The following KIF15 variants were observed in gnomAD, a reference collection of about 807,000 sequenced individuals.
KIF15 encodes kinesin-like protein KIF15.
In KIF15, 140 loss-of-function variants were observed where a neutral mutation model predicts 190.6. That is an observed-to-expected ratio of 0.73 (90% CI 0.64 to 0.84). The LOEUF is 0.84. Ranked by LOEUF, KIF15 falls within the 40% of genes least tolerant of loss-of-function variation. The pLI is 0.00. For missense variants in KIF15, 1,372 were observed against 1,584.4 expected, an observed-to-expected ratio of 0.87 and a Z score of 2.28; for synonymous variants, 528 against 551.3, an observed-to-expected ratio of 0.96 and a Z score of 0.59.
At chr3:44,783,247 C>T (rs1706250430) in intron 5 of KIF15, among the ~76,000 whole-genome samples, 1 of 152,126 alleles carries the variant, frequency 6.6e-6, no homozygotes. Flanking sequence ...ATAGAGGAAG[C>T]ATGGCACCAG....
chr3:44,796,291 C>T (rs866761576), intron 8 of KIF15, among the ~76,000 whole-genome samples: 1 of 152,074 alleles, frequency 6.6e-6, no homozygotes, highest in Admixed American at 6.6e-5. Flanking sequence ...CCCAGGAGGT[C>T]GAGATTGCAG....
chr3:44,827,623 T>A (rs760811434), intron 23 of KIF15, 95 bp downstream of exon 23: 198 of 646,354 alleles, frequency 3.1e-4, no homozygotes, highest in Non-Finnish European at 1.4e-4. Flanking sequence ...AGCTTGCAGA[T>A]GTTGGAAATT....
Position 44,810,993 on chromosome 3 carries a change from A to G in KIF15, c.2119A>G (p.Met707Val), listed in dbSNP as rs752113952. The change falls in exon 17 of 35, where the codon ATG (methionine) becomes GTG (valine). Residue 707 changes from methionine to valine, a missense_variant. By Grantham distance (21) the Met-to-Val change is conservative (BLOSUM62 1). Transcript: ENST00000326047. Reference sequence around the variant, plus strand: ...ATTAAATGAGCCAGTTCCTCCTGAGATGAATGAACAAGCTTTTGAGGCCAT... The same window carrying G: ...ATTAAATGAGCCAGTTCCTCCTGAGGTGAATGAACAAGCTTTTGAGGCCAT... The part of the protein sequence containing the change: ...DILNEPVPPE[M>V]NEQAFEAISE... 1.2e-6 allele frequency: 2 copies of G among 1,613,908 alleles called. No homozygotes were observed. The highest frequency in any genetic ancestry group is 1.3e-5 in the African/African-American group (1 of 75,046).
chr3:44,868,326 T>C lies in KIF15; in HGVS notation c.*60-5003T>C, dbSNP rs564968178. On this transcript the variant is annotated intron_variant and NMD_transcript_variant, in intron 6 of 6. Transcript: ENST00000422209. ...TTTATGACTGAATAATACTCCATTG[T>C]GTGGATCTACCACATTATGTTTATA... Among the ~76,000 whole-genome samples, 494 of 152,366 alleles carry C rather than the reference T, an allele frequency of 3.2e-3. 7 individuals carry two copies. The highest frequency in any genetic ancestry group is 0.011 in the African/African-American group (473 of 41,582).
At position 44,814,963 on chromosome 3, in the gene KIF15, G is replaced by C; in HGVS notation, c.2436G>C (p.Lys812Asn). ...GAGTAGTCCTTCATTCTGCTGACAA[G>C]GAGCTTTCTTCAGTGAAATTGGAAT... ...DLRVVLHSAD[K>N]ELSSVKLEYS... Residue 812 changes from lysine (K) to asparagine (N), a missense_variant, in exon 20 of 35, where the codon AAG (lysine) becomes AAC (asparagine). Transcript: ENST00000326047. The C allele has an allele frequency of 6.2e-7, 1 of 1,612,650 alleles. No individual in the cohort carries two copies. Among genetic ancestry groups the C allele is most frequent in the Non-Finnish European group, 8.5e-7 (1 of 1,179,564 alleles).
At chr3:44,772,999 G>C (rs1436237310) in intron 1 of KIF15, among the ~76,000 whole-genome samples, 1 of 152,118 alleles carries the variant, frequency 6.6e-6, no homozygotes, top group Non-Finnish European at 1.5e-5. Context: ...CTTTCTGACA[G>C]AGCCATACAG....
rs1245053775 is a variant in KIF15 at position 44,779,633 on chromosome 3, G to C, written c.324-1252G>C. On this transcript the variant is annotated intron_variant, in intron 4 of 34. Transcript: ENST00000326047. ...GTGGATCACGAGGTCAGGAGTTCAAGACCAGCCTGGCCAAGATGGTGAAAC... is the reference window on the plus strand; with the variant it reads ...GTGGATCACGAGGTCAGGAGTTCAACACCAGCCTGGCCAAGATGGTGAAAC... Among the ~76,000 whole-genome samples the C allele has an allele frequency of 2.0e-5, 3 of 152,136 alleles. No individual in the cohort carries two copies. In the East Asian group the frequency reaches 5.8e-4, roughly 29 times the overall value.
intron 4 of KIF15, among the ~76,000 whole-genome samples, chr3:44,779,312 C>T (rs906552864): frequency 6.6e-6 from 1 of 152,158 alleles, no homozygotes; most frequent in African/African-American, 2.4e-5. Flanking sequence ...ACCCTAATTC[C>T]TTTTATTGGA....
intron 20 of KIF15, among the ~76,000 whole-genome samples, chr3:44,823,385 T>C (rs1697462086): frequency 6.6e-6 from 1 of 152,168 alleles, no homozygotes; most frequent in Non-Finnish European, 1.5e-5. Flanking sequence ...TCTGGAAGCT[T>C]CGTCCCAGAG....
chr3:44,861,269 G>A (rs572382038), intron 6 of KIF15, among the ~76,000 whole-genome samples: 2 of 152,364 alleles, frequency 1.3e-5, no homozygotes, highest in East Asian at 3.9e-4. Context: ...GGGATTACAG[G>A]CATGAGCCAC....
chr3:44,847,968 CCT>C lies in KIF15; in HGVS notation c.3696-16_3696-15del, dbSNP rs775356295. ...GTGTTTTCCTATGCCTCCTCCCACC[CCT>C]GTTAATCTATGCAGTGATCAGAATC... On this transcript the variant is annotated splice_polypyrimidine_tract_variant and intron_variant, in intron 30 of 34. Coordinates refer to ENST00000326047, the MANE Select transcript of KIF15 (RefSeq NM_020242.3). 6 of 1,574,668 alleles carry C rather than the reference CCT, an allele frequency of 3.8e-6. No homozygotes were observed. Among genetic ancestry groups the C allele is most frequent in the Non-Finnish European group, 4.3e-6 (5 of 1,157,788 alleles).
At chr3:44,787,050 A>G (rs1404183506) in intron 7 of KIF15, among the ~76,000 whole-genome samples, 1 of 152,202 alleles carries the variant, frequency 6.6e-6, no homozygotes. Context: ...ATGATTTGAA[A>G]GTTTTTTATT....
At chr3:44,866,598 G>A (rs1413382587) in intron 6 of KIF15, among the ~76,000 whole-genome samples, 1 of 152,170 alleles carries the variant, frequency 6.6e-6, no homozygotes, top group Non-Finnish European at 1.5e-5. Flanking sequence ...GTAGCCAGGA[G>A]GCTAGGAGAG....
rs1447473975 is a variant in KIF15, at chr3:44,829,767, TTATAG to T, written c.2944-203_2944-199del. On this transcript the variant is annotated intron_variant, in intron 24 of 34. Coordinates refer to ENST00000326047, the MANE Select transcript of KIF15 (RefSeq NM_020242.3). ...TGTATATATTATAGATGTATATATA[TTATAG>T]ATGTATATATATAATATATGCATAT... is the stretch of plus-strand genomic sequence containing the variant. Among the ~76,000 whole-genome samples, 141 of 140,978 alleles carry T rather than the reference TTATAG, an allele frequency of 1.0e-3. 1 individual carries two copies. The highest frequency in any genetic ancestry group is 2.4e-3 in the African/African-American group (92 of 37,946). The allele number at this position is 140,978 out of a possible 152,430, so 92.5% of individuals were successfully genotyped here.
chr3:44,847,305 G>A (rs1404857620), intron 30 of KIF15, among the ~76,000 whole-genome samples: 1 of 152,152 alleles, frequency 6.6e-6, no homozygotes, highest in East Asian at 1.9e-4. Flanking sequence ...GGGAGGGAGG[G>A]ATGTCTCTCT....
At chr3:44,800,461 A>G (rs1707213572) in intron 11 of KIF15, 24 bp downstream of exon 11, 1 of 1,609,240 alleles carries the variant, frequency 6.2e-7, no homozygotes, top group Non-Finnish European at 8.5e-7. Flanking sequence ...ACAGTCCTTT[A>G]TCTTGGGGAA....
chr3:44,809,246 A>G (rs1246023213), intron 16 of KIF15, among the ~76,000 whole-genome samples: 2 of 152,068 alleles, frequency 1.3e-5, no homozygotes, highest in East Asian at 1.9e-4. Context: ...GTTCATGTCC[A>G]TTTGTATATC....
intron 16 of KIF15, among the ~76,000 whole-genome samples, chr3:44,810,274 C>G (rs1257470828): frequency 6.6e-6 from 1 of 151,930 alleles, no homozygotes; most frequent in Non-Finnish European, 1.5e-5. Context: ...TTTTGAGAGA[C>G]AGGGTCTCAG....
intron 5 of KIF15, among the ~76,000 whole-genome samples, chr3:44,782,416 G>A (rs900682575): frequency 1.3e-5 from 2 of 152,040 alleles, no homozygotes; most frequent in African/African-American, 2.4e-5. Flanking sequence ...GGTCTTCCTC[G>A]CTCTCTGAGG....
Sources: allele counts gnomAD v4.1 joint callset (sites outside exome capture counted in the v4.1 genomes callset), GRCh38; gene constraint gnomAD v4.1.1; transcripts MANE v1.5; gene names NCBI Gene and HGNC (gene_info 2026-07-23, HGNC 2026-07-21).